MAP3K5: variants seen among roughly 807,000 people sequenced by gnomAD.
MAP3K5 encodes the protein mitogen-activated protein kinase kinase kinase 5.
MAP3K5 carries 56 observed loss-of-function variants against 158.7 expected under a neutral mutation model. The observed-to-expected ratio is 0.35, with a 90% confidence interval of 0.28 to 0.44. The LOEUF (loss-of-function observed/expected upper bound fraction) is 0.44, where lower values mean the gene tolerates loss of function less well. MAP3K5 is among the 20% of genes least tolerant of loss of function. The pLI is 1.00. For missense variants in MAP3K5, 1,294 were observed against 1,674.8 expected (o/e 0.77, Z 3.97); for synonymous variants, 579 against 601.7 (o/e 0.96, Z 0.55).
At chr6:136,728,737 C>G (rs1782081761) in intron 1 of MAP3K5, among the ~76,000 whole-genome samples, 1 of 152,180 alleles carries the variant, frequency 6.6e-6, no homozygotes, top group African/African-American at 2.4e-5. Context: ...CCTAACCTCC[C>G]CAACCCAGCC....
chr6:136,786,495 A>G (rs1041920635), intron 1 of MAP3K5, among the ~76,000 whole-genome samples: 2 of 152,168 alleles, frequency 1.3e-5, no homozygotes, highest in Non-Finnish European at 1.5e-5. Flanking sequence ...TTCTGCCTAC[A>G]ATGCAGAGGG....
rs751915387 is a variant in MAP3K5, at chr6:136,592,153, G to A, written c.3225+20C>T. ...AAATATGTAACCTTTGGGAAATGAA[G>A]CACCTGGGAGAGGATTTACCTGAGC... On this transcript the variant is annotated intron_variant, in intron 23 of 29. Transcript: ENST00000359015. The A allele has an allele frequency of 3.9e-6, 6 of 1,542,282 alleles. No homozygotes were observed. The highest frequency in any genetic ancestry group is 5.2e-6 in the Non-Finnish European group (6 of 1,146,156).
intron 1 of MAP3K5, among the ~76,000 whole-genome samples, chr6:136,783,732 G>A (rs961704408): frequency 1.1e-4 from 16 of 152,214 alleles, no homozygotes; most frequent in African/African-American, 3.4e-4. Flanking sequence ...TCATTGCACA[G>A]CACACTGTCA....
intron 21 of MAP3K5, among the ~76,000 whole-genome samples, chr6:136,599,169 G>T (rs9399189): frequency 2.6e-4 from 3 of 11,444 alleles, no homozygotes; most frequent in African/African-American, 4.3e-4. Context: ...AAAAAAAAAA[G>T]GGGGGGGGGG....
intron 1 of MAP3K5, among the ~76,000 whole-genome samples, chr6:136,764,107 C>G (rs965055289): frequency 6.6e-6 from 1 of 152,160 alleles, no homozygotes; most frequent in Non-Finnish European, 1.5e-5. Context: ...GATCAGCCAG[C>G]CACCTGTACA....
chr6:136,783,252 C>A (rs1784693681), intron 1 of MAP3K5, among the ~76,000 whole-genome samples: 2 of 149,320 alleles, frequency 1.3e-5, no homozygotes, highest in South Asian at 4.2e-4. Context: ...GCACTCCAGC[C>A]TGGGTGACAG....
At chr6:136,628,972 G>A (rs1777178267) in intron 14 of MAP3K5, among the ~76,000 whole-genome samples, 1 of 152,182 alleles carries the variant, frequency 6.6e-6, no homozygotes, top group Non-Finnish European at 1.5e-5. Context: ...AAAATAAAAG[G>A]TAACATTACA....
intron 7 of MAP3K5, among the ~76,000 whole-genome samples, chr6:136,687,012 G>C (rs1780178090): frequency 6.6e-6 from 1 of 152,100 alleles, no homozygotes; most frequent in Non-Finnish European, 1.5e-5. Flanking sequence ...CATGCTACCT[G>C]ACTTCAAACT....
chr6:136,604,779 A>G (rs1347809496), intron 19 of MAP3K5, among the ~76,000 whole-genome samples: 2 of 150,390 alleles, frequency 1.3e-5, no homozygotes, highest in African/African-American at 2.5e-5. Flanking sequence ...TTTTTTTTTA[A>G]AAAAAATGAA....
chr6:136,787,111 C>G (rs928685801), intron 1 of MAP3K5, among the ~76,000 whole-genome samples: 5 of 152,128 alleles, frequency 3.3e-5, no homozygotes, highest in African/African-American at 1.2e-4. Context: ...ACCTGTAATC[C>G]CAGCTCTTAG....
chr6:136,772,352 G>C (rs1237903305), intron 1 of MAP3K5, among the ~76,000 whole-genome samples: 5 of 152,272 alleles, frequency 3.3e-5, no homozygotes, highest in Non-Finnish European at 7.4e-5. Flanking sequence ...TGGCACAGAA[G>C]ACCCTGTAGA....
chr6:136,760,568 A>G (rs576892194), intron 1 of MAP3K5, among the ~76,000 whole-genome samples: 5 of 152,318 alleles, frequency 3.3e-5, no homozygotes, highest in African/African-American at 9.6e-5. Flanking sequence ...CCTAAAATCC[A>G]TATGTTGAAA....
chr6:136,765,190 G>A (rs1163104310), intron 1 of MAP3K5, among the ~76,000 whole-genome samples: 5 of 152,218 alleles, frequency 3.3e-5, no homozygotes, highest in Admixed American at 3.3e-4. Context: ...TACAAACTCT[G>A]AAGTCCTTTT....
intron 13 of MAP3K5, among the ~76,000 whole-genome samples, chr6:136,637,618 C>T (rs1777703575): frequency 6.6e-6 from 1 of 151,592 alleles, no homozygotes; most frequent in South Asian, 2.1e-4. Context: ...AACCTAATGC[C>T]TCACTTCAAA....
chr6:136,564,462 G>T (rs566522253), intron 26 of MAP3K5, among the ~76,000 whole-genome samples: 3 of 152,348 alleles, frequency 2.0e-5, no homozygotes, highest in African/African-American at 7.2e-5. Flanking sequence ...ACAGGGTCTT[G>T]GAGGGAGGCT....
At chr6:136,572,853 A>C (rs1774431898) in intron 25 of MAP3K5, among the ~76,000 whole-genome samples, 1 of 152,232 alleles carries the variant, frequency 6.6e-6, no homozygotes, top group Admixed American at 6.5e-5. Context: ...TTTCTCAAAG[A>C]GATGACAATC....
intron 9 of MAP3K5, among the ~76,000 whole-genome samples, chr6:136,658,909 A>G (rs955098279): frequency 6.6e-6 from 1 of 152,224 alleles, no homozygotes; most frequent in African/African-American, 2.4e-5. Context: ...GGCCCCGAAC[A>G]TAAGTTATAT....
At chr6:136,592,415 C>T in intron 22 of MAP3K5, 22 bp downstream of exon 22, 1 of 1,611,852 alleles carries the variant, frequency 6.2e-7, no homozygotes, top group Non-Finnish European at 8.5e-7. Context: ...CTTCTCTCAC[C>T]CCAAGTAAGT....
intron 1 of MAP3K5, among the ~76,000 whole-genome samples, chr6:136,764,479 TTCCAG>T (rs1783881043): frequency 6.6e-6 from 1 of 152,164 alleles, no homozygotes; most frequent in African/African-American, 2.4e-5. Context: ...CCACACCACC[TTCCAG>T]TCATGGGAAT....
Sources: allele counts gnomAD v4.1 joint callset (sites outside exome capture counted in the v4.1 genomes callset), GRCh38; gene constraint gnomAD v4.1.1; transcripts MANE v1.5; gene names NCBI Gene and HGNC (gene_info 2026-07-23, HGNC 2026-07-21).